COG2: variants seen among roughly 807,000 people sequenced by gnomAD.
The protein encoded by COG2 is conserved oligomeric Golgi complex subunit 2.
COG2 carries 52 observed loss-of-function variants against 90.6 expected under a neutral mutation model. That is an observed-to-expected ratio of 0.57 (90% CI 0.46 to 0.72). The LOEUF (loss-of-function observed/expected upper bound fraction) is 0.72. Ranked by LOEUF, COG2 falls within the 30% of genes least tolerant of loss-of-function variation. The pLI, the probability that COG2 is intolerant of heterozygous loss-of-function variation, is 0.00. For synonymous variants in COG2, 337 were observed against 320.4 expected, an observed-to-expected ratio of 1.05 and a Z score of -0.55; for missense variants, 829 against 891.2, an observed-to-expected ratio of 0.93 and a Z score of 0.89.
At chr1:230,675,194 T>C (rs1199554938) in intron 9 of COG2, 70 bp downstream of exon 9, 1 of 1,513,862 alleles carries the variant, frequency 6.6e-7, no homozygotes, top group African/African-American at 1.4e-5. Flanking sequence ...CATGTTCTCT[T>C]CTACTTAGTC....
At position 230,656,174 on chromosome 1, in the gene COG2, C is replaced by T. The variant is rs75261523; in HGVS notation, c.73-3290C>T. On this transcript the variant is annotated intron_variant, in intron 1 of 17. Transcript: ENST00000366669. ...CTTTTGAATTTGTCTGCTGTTGCTT[C>T]TCCAGTTCTTTTAATTTTGATGTTA... Among the ~76,000 whole-genome samples the T allele has an allele frequency of 6.1e-3, 934 of 152,102 alleles. 10 individuals carry two copies. Among genetic ancestry groups the T allele is most frequent in the African/African-American group, 0.022 (899 of 41,512 alleles).
intron 7 of COG2, chr1:230,670,754 C>A (rs947042938): frequency 6.6e-6 from 1 of 152,222 alleles, no homozygotes. Flanking sequence ...TTAGCTGGAA[C>A]TACAGGTACA....
intron 3 of COG2, among the ~76,000 whole-genome samples, chr1:230,662,127 T>A (rs1662195561): frequency 6.6e-6 from 1 of 152,154 alleles, no homozygotes. Flanking sequence ...AACTGCTGTC[T>A]CACCTGCAGG....
chr1:230,660,642 C>T, intron 2 of COG2, 116 bp from the exon 3 acceptor site: 2 of 544,552 alleles, frequency 3.7e-6, no homozygotes, highest in Non-Finnish European at 6.4e-6. Flanking sequence ...TATGGTTGTT[C>T]ATTTTGTTGT....
In COG2 at chr1:230,671,506, C is replaced by A. The variant is rs1030833418; in HGVS notation, c.775-10C>A. 1.3e-6 allele frequency: 2 copies of A among 1,593,350 alleles called. No homozygotes were observed. The highest frequency in any genetic ancestry group is 2.7e-5 in the African/African-American group (2 of 73,598). Reference sequence around the variant, plus strand: ...AATGCTTTTTTAAAAAATGATTTTTCTTTTAATAGGTGATTATAGAGCAGT... The same window carrying A: ...AATGCTTTTTTAAAAAATGATTTTTATTTTAATAGGTGATTATAGAGCAGT... On this transcript the variant is annotated splice_polypyrimidine_tract_variant and intron_variant, in intron 7 of 17. Coordinates refer to ENST00000366669, the MANE Select transcript of COG2 (RefSeq NM_007357.3).
At chr1:230,669,834 C>T (rs982176833) in intron 7 of COG2, 5 of 271,482 alleles carry the variant, frequency 1.8e-5, no homozygotes, top group African/African-American at 8.6e-5. Flanking sequence ...GGCGATGGTT[C>T]CTCAGTAATT....
intron 1 of COG2, among the ~76,000 whole-genome samples, chr1:230,646,047 C>G (rs1237569629): frequency 6.6e-6 from 1 of 152,112 alleles, no homozygotes. Context: ...CCGGTGCCCT[C>G]TCCCTTCTCA....
intron 5 of COG2, 26 bp from the exon 6 acceptor site, chr1:230,668,650 A>C (rs374816304): frequency 6.9e-7 from 1 of 1,441,574 alleles, no homozygotes; most frequent in Non-Finnish European, 9.7e-7. Context: ...TAGGGGTTAC[A>C]CTTCTATAAC....
chr1:230,691,624 A>C (rs768458789), intron 17 of COG2, 60 bp downstream of exon 17: 122 of 1,509,194 alleles, frequency 8.1e-5, no homozygotes, highest in Non-Finnish European at 1.1e-4. Flanking sequence ...AGAGCCGGGC[A>C]GTTACTTGGT....
Position 230,690,035 on chromosome 1 carries a change from T to C in COG2, c.1816T>C (p.Ser606Pro). The change falls in exon 16 of 18, where the codon TCC becomes CCC. Residue 606 changes from serine to proline, a missense_variant. Transcript: ENST00000366669. ...CCAGGAGGTCCCAACCACAGCTTCC[T>C]CCTATGTGGACAGTGCTCTGAAGCC... ...TNKEVPTTAS[S>P]YVDSALKPLF... 6.2e-7 allele frequency: 1 copy of C among 1,603,394 alleles called. No homozygotes were observed. Among genetic ancestry groups the C allele is most frequent in the Non-Finnish European group, 8.5e-7 (1 of 1,175,598 alleles).
chr1:230,688,634 G>A (rs1662945208), intron 15 of COG2, 72 bp downstream of exon 15: 1 of 1,541,402 alleles, frequency 6.5e-7, no homozygotes, highest in Non-Finnish European at 8.9e-7. Flanking sequence ...AGGAAGGAAG[G>A]AAGGAAGCGG....
intron 7 of COG2, chr1:230,669,955 GGT>G (rs1170303448): frequency 6.4e-6 from 1 of 156,004 alleles, no homozygotes; most frequent in Non-Finnish European, 1.4e-5. Flanking sequence ...AGTGTGGAAA[GGT>G]GTGTGAGTGG....
At position 230,642,483 on chromosome 1, in the gene COG2, G is replaced by A; in HGVS notation, c.-124G>A. On this transcript the variant is annotated 5_prime_UTR_variant, in exon 1 of 18. An upstream start codon of the reference 5' UTR is lost. Coordinates refer to ENST00000366669, the MANE Select transcript of COG2 (RefSeq NM_007357.3). ...TTGGCCGCGGCGCGGGCGCTGCCATGTTGGCGGAAGCGGACCCCCCTGTGC... is the reference window on the plus strand; with the variant it reads ...TTGGCCGCGGCGCGGGCGCTGCCATATTGGCGGAAGCGGACCCCCCTGTGC... 1 of 885,090 alleles carries A rather than the reference G, an allele frequency of 1.1e-6. No homozygotes were observed. Among genetic ancestry groups the A allele is most frequent in the Non-Finnish European group, 1.7e-6 (1 of 595,498 alleles). The allele number at this position is 885,090 out of a possible 1,614,324, so 54.8% of individuals were successfully genotyped here.
chr1:230,679,400 A>C (rs1442135631), intron 10 of COG2: 1 of 168,130 alleles, frequency 5.9e-6, no homozygotes, highest in Admixed American at 6.2e-5. Context: ...CATTTTCCCT[A>C]TTTCATCGTC....
At chr1:230,657,439 T>A (rs1571945919) in intron 1 of COG2, among the ~76,000 whole-genome samples, 1 of 152,322 alleles carries the variant, frequency 6.6e-6, no homozygotes, top group South Asian at 2.1e-4. Context: ...AGATCCACTG[T>A]TATTCTGATG....
chr1:230,692,106 C>T (rs1213253754), intron 17 of COG2, among the ~76,000 whole-genome samples: 1 of 151,890 alleles, frequency 6.6e-6, no homozygotes, highest in African/African-American at 2.4e-5. Context: ...CAATGAATGT[C>T]TTTTCATTTT....
intron 5 of COG2, among the ~76,000 whole-genome samples, chr1:230,666,583 C>G (rs1380625984): frequency 6.6e-6 from 1 of 152,196 alleles, no homozygotes; most frequent in East Asian, 1.9e-4. Flanking sequence ...CCAAGCTGCT[C>G]CTTGCCACTT....
chr1:230,653,380 C>T (rs935092675), intron 1 of COG2, among the ~76,000 whole-genome samples: 4 of 151,844 alleles, frequency 2.6e-5, no homozygotes, highest in South Asian at 2.1e-4. Context: ...GCCACCACGC[C>T]GGGCTAATTT....
At chr1:230,685,399 A>C (rs1662863331) in intron 12 of COG2, among the ~76,000 whole-genome samples, 163 bp downstream of exon 12, 1 of 152,098 alleles carries the variant, frequency 6.6e-6, no homozygotes, top group African/African-American at 2.4e-5. Flanking sequence ...TCTGTGTTTC[A>C]TTTTTACTCC....
Sources: allele counts gnomAD v4.1 joint callset (sites outside exome capture counted in the v4.1 genomes callset), GRCh38; gene constraint gnomAD v4.1.1; transcripts MANE v1.5; gene names NCBI Gene and HGNC (gene_info 2026-07-23, HGNC 2026-07-21).